Variants in KLF15 observed in about 807,000 individuals in gnomAD.
The protein encoded by KLF15 is KLF transcription factor 15, also known as Krueppel-like factor 15.
Under a neutral mutation model 24.6 loss-of-function variants are expected in KLF15, and 4 were observed. The observed-to-expected ratio is 0.16, with a 90% CI of 0.08 to 0.37. The LOEUF (loss-of-function observed/expected upper bound fraction) is 0.37, where lower values mean the gene tolerates loss of function less well. KLF15 is among the 10% of genes least tolerant of loss of function. KLF15 has a pLI of 1.00. For missense variants in KLF15, 496 were observed against 560.6 expected (o/e 0.88, Z 1.16); for synonymous variants, 246 against 236.3 (o/e 1.04, Z -0.37).
chr3:126,293,909 TGA>T, the KLF15 span: 1 of 152,288 alleles, frequency 6.6e-6, no homozygotes, highest in African/African-American at 2.4e-5. Context: ...TTATGAGAGC[TGA>T]GACTCACCTC....
chr3:126,352,050 A>G lies in KLF15; in HGVS notation c.873T>C (p.Val291=), dbSNP rs547908174. ...IAPVPIAAKP[V]GSGPLGPGPA... is the part of the protein sequence containing the mutation. ...GGCCAGGCCCCAGGGGTCCCGATCC[A>G]ACAGGCTTGGCGGCAATGGGCACAG... The change falls in exon 2 of 3, where the codon GTT becomes GTC. Residue 291 remains valine (V), a synonymous_variant. Coordinates refer to ENST00000296233, the MANE Select transcript of KLF15 (RefSeq NM_014079.4). 7 of 1,529,622 alleles carry G rather than the reference A, an allele frequency of 4.6e-6. No individual in the cohort carries two copies. In the Admixed American group the frequency reaches 8.3e-5, roughly 18 times the overall value. 94.8% of individuals were successfully genotyped at this position (1,529,622 alleles called of 1,614,324 possible).
the KLF15 span, among the ~76,000 whole-genome samples, chr3:126,307,216 C>A: frequency 6.6e-6 from 1 of 152,178 alleles, no homozygotes; most frequent in African/African-American, 2.4e-5. Flanking sequence ...CCTTCCCCTC[C>A]CCCACTCCCA....
the KLF15 span, among the ~76,000 whole-genome samples, chr3:126,323,032 TA>T: frequency 6.6e-6 from 1 of 151,076 alleles, no homozygotes; most frequent in Non-Finnish European, 1.5e-5. Flanking sequence ...TTTTTTTTTT[TA>T]ATGAAATAAT....
intron 2 of KLF15, 113 bp from the exon 3 acceptor site, chr3:126,344,008 C>G: frequency 1.9e-6 from 2 of 1,049,282 alleles, no homozygotes; most frequent in Non-Finnish European, 2.7e-6. Flanking sequence ...CAAAGGGTGG[C>G]TGCGCAGACC....
chr3:126,329,761 A>G, the KLF15 span, among the ~76,000 whole-genome samples: 1 of 14,984 alleles, frequency 6.7e-5, no homozygotes, highest in African/African-American at 6.5e-4. Context: ...CCCATACAGA[A>G]AAAAAAAAAA....
the KLF15 span, among the ~76,000 whole-genome samples, chr3:126,320,544 G>A: frequency 6.6e-6 from 1 of 152,202 alleles, no homozygotes; most frequent in African/African-American, 2.4e-5. Flanking sequence ...ACATGTGTTT[G>A]AGTTCACCTG....
chr3:126,306,365 G>GA, the KLF15 span, among the ~76,000 whole-genome samples: 30 of 152,248 alleles, frequency 2.0e-4, no homozygotes, highest in African/African-American at 7.0e-4. Flanking sequence ...ATCACATGGA[G>GA]AAAAAAACCA....
chr3:126,350,275 A>G (rs935437825), intron 2 of KLF15, among the ~76,000 whole-genome samples: 1 of 152,068 alleles, frequency 6.6e-6, no homozygotes, highest in Non-Finnish European at 1.5e-5. Flanking sequence ...CCATGCACCC[A>G]CTCGGCAGGC....
chr3:126,305,936 A>C, the KLF15 span, among the ~76,000 whole-genome samples: 2 of 152,230 alleles, frequency 1.3e-5, no homozygotes, highest in Non-Finnish European at 2.9e-5. Flanking sequence ...TTGTGTGGAC[A>C]GGTCCAGAAG....
the KLF15 span, among the ~76,000 whole-genome samples, chr3:126,308,950 C>T: frequency 6.6e-6 from 1 of 152,018 alleles, no homozygotes; most frequent in Non-Finnish European, 1.5e-5. Flanking sequence ...GATCGCTGGC[C>T]CAGGGTGAGG....
chr3:126,343,778 G>A lies in KLF15; in HGVS notation c.1200C>T (p.Ile400=). The change falls in exon 3 of 3, where the codon ATC becomes ATT. Residue 400 remains isoleucine, a synonymous_variant. Transcript: ENST00000296233. ...FARSDHLSKH[I]KVHRFPRSSR... is the part of the protein sequence containing the mutation. ...TGCTCCGCGGGAAGCGGTGCACCTTGATGTGCTTGGAGAGGTGGTCGCTCC... is the reference window on the plus strand; with the variant it reads ...TGCTCCGCGGGAAGCGGTGCACCTTAATGTGCTTGGAGAGGTGGTCGCTCC... The A allele has an allele frequency of 1.2e-6, 2 of 1,612,100 alleles. No individual in the cohort carries two copies. The highest frequency in any genetic ancestry group is 1.7e-6 in the Non-Finnish European group (2 of 1,179,926).
intron 2 of KLF15, among the ~76,000 whole-genome samples, chr3:126,349,717 T>C (rs2082567358): frequency 6.6e-6 from 1 of 152,078 alleles, no homozygotes; most frequent in Admixed American, 6.5e-5. Flanking sequence ...TTGCCAACGG[T>C]CGACTATGGC....
At chr3:126,353,673 G>A (rs2082606480) in intron 1 of KLF15, among the ~76,000 whole-genome samples, 2 of 152,362 alleles carry the variant, frequency 1.3e-5, no homozygotes, top group Middle Eastern at 6.8e-3. Context: ...GTGCCTGCCT[G>A]CGCAGCTGTT....
chr3:126,315,297 G>A, the KLF15 span, among the ~76,000 whole-genome samples: 1 of 152,076 alleles, frequency 6.6e-6, no homozygotes. Flanking sequence ...CTGAAGTACT[G>A]GGAGTTAGGG....
At chr3:126,330,831 T>C in the KLF15 span, among the ~76,000 whole-genome samples, 23 of 152,364 alleles carry the variant, frequency 1.5e-4, no homozygotes, top group Admixed American at 1.5e-3. Context: ...ATCTTTTCTC[T>C]TTTGTCATGT....
At chr3:126,295,864 T>C in the KLF15 span, among the ~76,000 whole-genome samples, 1 of 152,170 alleles carries the variant, frequency 6.6e-6, no homozygotes, top group African/African-American at 2.4e-5. Context: ...GCAAGAACAC[T>C]GTTAGGTTGG....
At chr3:126,329,179 C>A in the KLF15 span, among the ~76,000 whole-genome samples, 4 of 152,198 alleles carry the variant, frequency 2.6e-5, no homozygotes, top group Non-Finnish European at 4.4e-5. Flanking sequence ...GTGAGAAGAA[C>A]CTCCATCTTT....
chr3:126,290,140 T>A, the KLF15 span, among the ~76,000 whole-genome samples: 1 of 150,696 alleles, frequency 6.6e-6, no homozygotes, highest in South Asian at 2.1e-4. Flanking sequence ...ACTTTCAGCA[T>A]TTTTTTTTTC....
the KLF15 span, among the ~76,000 whole-genome samples, chr3:126,305,313 G>T: frequency 1.3e-5 from 2 of 152,172 alleles, no homozygotes; most frequent in East Asian, 3.9e-4. Flanking sequence ...AATCACAGAG[G>T]CAGATGAGTC....
Sources: gnomAD v4.1 joint callset for allele counts (sites outside exome capture counted in the v4.1 genomes callset) on GRCh38, gnomAD v4.1.1 for gene constraint, MANE v1.5 for transcripts, NCBI Gene and HGNC (gene_info 2026-07-23, HGNC 2026-07-21) for gene names.